Variants in TESMIN observed in about 807,000 individuals in gnomAD.
TESMIN encodes CXC domain containing 2.
In TESMIN, 34 loss-of-function variants were observed where a neutral mutation model predicts 47.4. The ratio of observed to expected loss-of-function variants is 0.72; its 90% CI spans 0.55 to 0.96. The LOEUF is 0.96. Ranked by LOEUF, TESMIN falls within the 40% of genes least tolerant of loss-of-function variation. The pLI is 0.00. For synonymous variants in TESMIN, 278 were observed against 258.9 expected (o/e 1.07, Z -0.71); for missense variants, 610 against 637.2 (o/e 0.96, Z 0.46).
chr11:68,727,447 A>G (rs1294491008), intron 6 of TESMIN, among the ~76,000 whole-genome samples: 5 of 152,210 alleles, frequency 3.3e-5, no homozygotes, highest in Non-Finnish European at 1.5e-5. Flanking sequence ...GTCAAAAACA[A>G]AAACAAAACA....
At chr11:68,714,661 C>T (rs890751488) in intron 7 of TESMIN, among the ~76,000 whole-genome samples, 28 of 152,346 alleles carry the variant, frequency 1.8e-4, no homozygotes, top group Admixed American at 6.5e-4. Context: ...CATTCTACCA[C>T]GGATGGACAT....
intron 4 of TESMIN, among the ~76,000 whole-genome samples, chr11:68,744,247 G>C (rs145538505): frequency 1.3e-5 from 2 of 152,342 alleles, no homozygotes; most frequent in African/African-American, 2.4e-5. Context: ...GGCAAGGTCA[G>C]TGAATCACCT....
chr11:68,709,079 G>GA (rs1437948831), intron 9 of TESMIN, among the ~76,000 whole-genome samples: 5 of 86,844 alleles, frequency 5.8e-5, no homozygotes, highest in South Asian at 9.8e-4. Context: ...AAAAAAAAAA[G>GA]AAAGAAAAGA....
At chr11:68,721,979 G>A (rs966864299) in intron 6 of TESMIN, among the ~76,000 whole-genome samples, 2 of 152,148 alleles carry the variant, frequency 1.3e-5, no homozygotes, top group Non-Finnish European at 2.9e-5. Flanking sequence ...GGGTATGTAC[G>A]CAAAAGGAGT....
Position 68,708,244 on chromosome 11 carries a change from C to T in TESMIN, c.*64G>A. ...AGAGCCAGCCTCATGTTCCCCTAAACATCCTTTCTAAACTAGAGATTTCTA... is the reference window on the plus strand; with the variant it reads ...AGAGCCAGCCTCATGTTCCCCTAAATATCCTTTCTAAACTAGAGATTTCTA... On this transcript the variant is annotated 3_prime_UTR_variant, in exon 10 of 10. Transcript: ENST00000255087. 4.1e-6 allele frequency: 6 copies of T among 1,469,402 alleles called. No individual in the cohort carries two copies. The highest frequency in any genetic ancestry group is 5.5e-6 in the Non-Finnish European group (6 of 1,085,560). 91.0% of individuals were successfully genotyped at this position (1,469,402 alleles called of 1,614,324 possible).
At chr11:68,716,453 A>T (rs1946140632) in intron 6 of TESMIN, among the ~76,000 whole-genome samples, 1 of 152,246 alleles carries the variant, frequency 6.6e-6, no homozygotes, top group South Asian at 2.1e-4. Context: ...GTGAGGGGGA[A>T]GTGAATGGCA....
Position 68,708,472 on chromosome 11 carries a change from C to A in TESMIN, c.1363G>T (p.Val455Leu). Reference protein sequence around the residue: ...RRPSSCISWEVVEATCACLLA... With the variant: ...RRPSSCISWELVEATCACLLA... ...AGGCAGGCGCATGTGGCCTCCACCA[C>A]CTCCCAGGAGATGCATGAGGAAGGC... Residue 455 changes from valine to leucine, a missense_variant, in exon 10 of 10, where the codon GTG becomes TTG. Val to Leu is a conservative substitution (Grantham distance 32). Coordinates refer to ENST00000255087, the MANE Select transcript of TESMIN (RefSeq NM_004923.3). 6.2e-7 allele frequency: 1 copy of A among 1,611,804 alleles called. No homozygotes were observed. The highest frequency in any genetic ancestry group is 8.5e-7 in the Non-Finnish European group (1 of 1,179,092).
Position 68,708,383 on chromosome 11 carries a change from G to T in TESMIN, c.1452C>A (p.Ile484=). Residue 484 remains isoleucine (I), a synonymous_variant, in exon 10 of 10, where the codon ATC becomes ATA. Transcript: ENST00000255087. ...ATAAGCACCTTCCAAATTCCTCCAG[G>T]ATCATCTGCTCTGCCAGGCACTTGG... The part of the protein sequence containing the change: ...HCSKCLAEQM[I]LEEFGRCLSQ... The T allele has an allele frequency of 1.9e-6, 3 of 1,614,042 alleles. No individual in the cohort carries two copies. The South Asian group carries it at 3.3e-5, about 18-fold the overall frequency.
chr11:68,717,646 C>T (rs975957068), intron 6 of TESMIN, among the ~76,000 whole-genome samples: 4 of 152,140 alleles, frequency 2.6e-5, no homozygotes, highest in Non-Finnish European at 5.9e-5. Flanking sequence ...CAGGAAAGAG[C>T]TGGGAAGGAG....
chr11:68,712,724 C>T (rs1046942082), intron 8 of TESMIN, among the ~76,000 whole-genome samples: 4 of 152,214 alleles, frequency 2.6e-5, no homozygotes, highest in Non-Finnish European at 5.9e-5. Context: ...TAGCCTCTCT[C>T]CATTGGCTTA....
At chr11:68,716,145 C>G (rs1946136572) in intron 6 of TESMIN, among the ~76,000 whole-genome samples, 1 of 152,250 alleles carries the variant, frequency 6.6e-6, no homozygotes, top group South Asian at 2.1e-4. Flanking sequence ...GGGAGTAAAA[C>G]TAGTTAAAAC....
rs78475426 is a variant in TESMIN at position 68,724,053 on chromosome 11, G to A, written c.918-8114C>T. On this transcript the variant is annotated intron_variant, in intron 6 of 9. Transcript: ENST00000255087. ...GAAGCCTAACTAACGCATTTTATTA[G>A]GCAATACAATATTGATACCAAAATG... Among the ~76,000 whole-genome samples the A allele has an allele frequency of 5.8e-3, 884 of 152,122 alleles. 10 individuals carry two copies. Among genetic ancestry groups the A allele is most frequent in the African/African-American group, 0.02 (832 of 41,484 alleles).
intron 4 of TESMIN, among the ~76,000 whole-genome samples, chr11:68,743,932 C>T (rs1473377421): frequency 2.0e-5 from 3 of 152,186 alleles, no homozygotes; most frequent in African/African-American, 7.2e-5. Flanking sequence ...TAAACTCTCT[C>T]CTCCTGCAGA....
At chr11:68,751,165 G>C (rs1185106317) in intron 1 of TESMIN, among the ~76,000 whole-genome samples, 1 of 118,196 alleles carries the variant, frequency 8.5e-6, no homozygotes, top group African/African-American at 3.3e-5. Context: ...GGGGCCGGCC[G>C]GGGTGGGGGT....
At position 68,750,139 on chromosome 11, in the gene TESMIN, T is replaced by C. The variant is rs189331129; in HGVS notation, c.471+51A>G. ...GGGTACACTAGCAGCCTCAGATGGG[T>C]TGGGGAAGGGATGGAGGGGGAGCTG... On this transcript the variant is annotated intron_variant, in intron 2 of 9. Coordinates refer to ENST00000255087, the MANE Select transcript of TESMIN (RefSeq NM_004923.3). 3.2e-4 allele frequency: 431 copies of C among 1,363,964 alleles called. 1 individual carries two copies. In the African/African-American group the frequency reaches 6.2e-3, roughly 19 times the overall value. 84.5% of individuals were successfully genotyped at this position (1,363,964 alleles called of 1,614,324 possible).
At chr11:68,743,894 T>C (rs956774282) in intron 4 of TESMIN, among the ~76,000 whole-genome samples, 2 of 152,186 alleles carry the variant, frequency 1.3e-5, no homozygotes, top group Non-Finnish European at 2.9e-5. Context: ...GATTATATGA[T>C]AAGGAACTTG....
intron 5 of TESMIN, among the ~76,000 whole-genome samples, chr11:68,739,170 T>A (rs1397473177): frequency 6.6e-6 from 1 of 152,250 alleles, no homozygotes; most frequent in Non-Finnish European, 1.5e-5. Flanking sequence ...CTAGAAATGT[T>A]CTTATACAGA....
At position 68,716,084 on chromosome 11, in the gene TESMIN, A is replaced by G. The variant is rs1369358970; in HGVS notation, c.918-145T>C. On this transcript the variant is annotated intron_variant, in intron 6 of 9. Transcript: ENST00000255087. ...TTCATAGACGGCTCAGACTCCTTTT[A>G]TATGAGAACTAGATCAACTAGGATA... 3 of 604,714 alleles carry G rather than the reference A, an allele frequency of 5.0e-6. No homozygotes were observed. In the Admixed American group the frequency reaches 8.6e-5, roughly 17 times the overall value. The allele number at this position is 604,714 out of a possible 1,614,324, so 37.5% of individuals were successfully genotyped here.
At position 68,739,056 on chromosome 11, in the gene TESMIN, G is replaced by A. The variant is rs114791947; in HGVS notation, c.829-268C>T. ...GGCTGGCCTCCACGGGCTGGAGGCC[G>A]TCCATAGCTGTCACTCAGCTGGCCA... On this transcript the variant is annotated intron_variant, in intron 5 of 9. Coordinates refer to ENST00000255087, the MANE Select transcript of TESMIN (RefSeq NM_004923.3). 9.8e-3 allele frequency among the ~76,000 whole-genome samples: 1,496 copies of A among 152,254 alleles called. 22 individuals carry two copies. Among genetic ancestry groups the A allele is most frequent in the African/African-American group, 0.034 (1,427 of 41,538 alleles).
Sources: allele counts gnomAD v4.1 joint callset (sites outside exome capture counted in the v4.1 genomes callset), GRCh38; gene constraint gnomAD v4.1.1; transcripts MANE v1.5; gene names NCBI Gene and HGNC (gene_info 2026-07-23, HGNC 2026-07-21).